KCNJ6: variants seen among roughly 807,000 people sequenced by gnomAD.
KCNJ6 encodes the protein potassium inwardly rectifying channel subfamily J member 6, also known as G protein-activated inward rectifier potassium channel 2.
KCNJ6 carries 9 observed loss-of-function variants against 34.2 expected under a neutral mutation model. The ratio of observed to expected loss-of-function variants is 0.26; its 90% CI spans 0.16 to 0.46. KCNJ6 has a LOEUF of 0.46. KCNJ6 is among the 20% of genes least tolerant of loss of function. The pLI is 1.00. For missense variants in KCNJ6, 236 were observed against 531.3 expected, an observed-to-expected ratio of 0.44 and a Z score of 5.46; for synonymous variants, 196 against 207.1, an observed-to-expected ratio of 0.95 and a Z score of 0.46.
Position 37,633,644 on chromosome 21 carries a change from T to G in KCNJ6, c.947-8160A>C, listed in dbSNP as rs559699290. Reference sequence around the variant, plus strand: ...GAATTTAAAAATCTATGCAGAAAACTTATGTATCTTTTTATATACCAGCAA... The same window carrying G: ...GAATTTAAAAATCTATGCAGAAAACGTATGTATCTTTTTATATACCAGCAA... On this transcript the variant is annotated intron_variant, in intron 3 of 3. Coordinates refer to ENST00000609713, the MANE Select transcript of KCNJ6 (RefSeq NM_002240.5). 2.0e-5 allele frequency among the ~76,000 whole-genome samples: 3 copies of G among 152,248 alleles called. No homozygotes were observed. The East Asian group carries it at 5.8e-4, about 29-fold the overall frequency.
intron 2 of KCNJ6, 40 bp downstream of exon 2, chr21:37,840,618 T>C (rs2055475520): frequency 6.7e-7 from 1 of 1,494,516 alleles, no homozygotes; most frequent in Non-Finnish European, 9.3e-7. Context: ...CATTTTCCCA[T>C]TCAAAACAAA....
chr21:37,810,465 C>A, intron 2 of KCNJ6, among the ~76,000 whole-genome samples: 1 of 152,120 alleles, frequency 6.6e-6, no homozygotes, highest in East Asian at 1.9e-4. Flanking sequence ...AGCTGCTCTC[C>A]AAAAAGATGA....
intron 1 of KCNJ6, among the ~76,000 whole-genome samples, chr21:37,909,369 CT>C (rs763546640): frequency 3.6e-3 from 518 of 142,952 alleles, no homozygotes; most frequent in African/African-American, 4.6e-3. Context: ...GCACAAAGAA[CT>C]TTTTTTTTTT....
chr21:37,640,023 CTA>C (rs1160598441), intron 3 of KCNJ6, among the ~76,000 whole-genome samples: 1 of 152,234 alleles, frequency 6.6e-6, no homozygotes, highest in East Asian at 1.9e-4. Flanking sequence ...ATTACCCAGT[CTA>C]TAGCAGTGAA....
At chr21:37,700,569 CA>C in intron 3 of KCNJ6, among the ~76,000 whole-genome samples, 1 of 152,074 alleles carries the variant, frequency 6.6e-6, no homozygotes, top group Admixed American at 6.5e-5. Flanking sequence ...AAGGGAATTG[CA>C]AAAACGAGAG....
At position 37,661,991 on chromosome 21, in the gene KCNJ6, T is replaced by C. The variant is rs895811793; in HGVS notation, c.947-36507A>G. On this transcript the variant is annotated intron_variant, in intron 3 of 3. Transcript: ENST00000609713. ...TTAAAAATTATTTACCAAAACTTAATATATTTATGTTTTGATCATTTGCGT... is the reference window on the plus strand; with the variant it reads ...TTAAAAATTATTTACCAAAACTTAACATATTTATGTTTTGATCATTTGCGT... Among the ~76,000 whole-genome samples the C allele has an allele frequency of 5.3e-5, 8 of 152,148 alleles. No homozygotes were observed. In the East Asian group the frequency reaches 9.6e-4, roughly 18 times the overall value.
chr21:37,709,089 T>A (rs76048449), intron 3 of KCNJ6, among the ~76,000 whole-genome samples: 2 of 152,232 alleles, frequency 1.3e-5, no homozygotes, highest in Non-Finnish European at 2.9e-5. Flanking sequence ...TTAAAATTCA[T>A]GTCAATGTCT....
intron 1 of KCNJ6, among the ~76,000 whole-genome samples, chr21:37,860,753 T>G (rs1004486255): frequency 5.3e-5 from 8 of 152,154 alleles, no homozygotes; most frequent in Admixed American, 5.2e-4. Flanking sequence ...CAGGTCATGG[T>G]TACAATGTCA....
chr21:37,878,310 A>G (rs1427728595), intron 1 of KCNJ6, among the ~76,000 whole-genome samples: 4 of 152,054 alleles, frequency 2.6e-5, no homozygotes, highest in African/African-American at 9.7e-5. Context: ...GAACAGAGAT[A>G]ATAAGTATTT....
chr21:37,879,320 C>A (rs1408986465), intron 1 of KCNJ6, among the ~76,000 whole-genome samples: 1 of 152,152 alleles, frequency 6.6e-6, no homozygotes, highest in Non-Finnish European at 1.5e-5. Flanking sequence ...GCCTCCAGAA[C>A]AAAGGTGGGT....
intron 1 of KCNJ6, among the ~76,000 whole-genome samples, chr21:37,896,113 C>G (rs777409631): frequency 1.3e-5 from 2 of 152,080 alleles, no homozygotes; most frequent in Admixed American, 1.3e-4. Flanking sequence ...GAAGCAGGCA[C>G]GTCACATGAC....
At chr21:37,889,578 C>A (rs941234651) in intron 1 of KCNJ6, among the ~76,000 whole-genome samples, 1 of 152,154 alleles carries the variant, frequency 6.6e-6, no homozygotes, top group Non-Finnish European at 1.5e-5. Flanking sequence ...GTGGCTTTAA[C>A]AACAAACATT....
intron 1 of KCNJ6, among the ~76,000 whole-genome samples, 160 bp from the exon 2 acceptor site, chr21:37,840,869 ATCAG>A (rs2123578403): frequency 6.6e-6 from 1 of 152,304 alleles, no homozygotes; most frequent in South Asian, 2.1e-4. Flanking sequence ...CAGTTATATT[ATCAG>A]TCAGTCACTG....
At position 37,714,999 on chromosome 21, in the gene KCNJ6, A is replaced by G. The variant is rs1468594217; in HGVS notation, c.158T>C (p.Ile53Thr). The G allele has an allele frequency of 1.2e-6, 2 of 1,614,044 alleles. No individual in the cohort carries two copies. Among genetic ancestry groups the G allele is most frequent in the South Asian group, 2.2e-5 (2 of 91,078 alleles). ...TCCGTCTTTCCTCACGTACCTCTGG[A>G]TTTTCCTTTTGGTCCGATCTCGGCT... Reference protein sequence around the residue: ...HISRDRTKRKIQRYVRKDGKC... With the variant: ...HISRDRTKRKTQRYVRKDGKC... The change falls in exon 3 of 4, where the codon ATC (isoleucine) becomes ACC (threonine). Residue 53 changes from isoleucine to threonine, a missense_variant. By Grantham distance (89) the Ile-to-Thr change is moderately conservative. This residue lies in a region of KCNJ6 where 64 missense variants were observed against 68.9 expected (regional missense o/e 0.93). Coordinates refer to ENST00000609713, the MANE Select transcript of KCNJ6 (RefSeq NM_002240.5). This position sits in a 1 kb window ranked among gnomAD's most constrained non-coding sequence, Gnocchi z 5.9.
At chr21:37,693,048 C>G (rs1461551584) in intron 3 of KCNJ6, among the ~76,000 whole-genome samples, 1 of 150,122 alleles carries the variant, frequency 6.7e-6, no homozygotes, top group Non-Finnish European at 1.5e-5. Context: ...ATCATGTTTT[C>G]AAGCTTTTAT....
chr21:37,729,563 A>G (rs1232785262), intron 2 of KCNJ6, among the ~76,000 whole-genome samples: 1 of 152,178 alleles, frequency 6.6e-6, no homozygotes, highest in Non-Finnish European at 1.5e-5. Context: ...AGCTCAAGCG[A>G]TTCACCCACC....
intron 2 of KCNJ6, among the ~76,000 whole-genome samples, chr21:37,763,991 T>C (rs13052260): frequency 0.62 from 94,172 of 151,618 alleles, 29,971 homozygotes; most frequent in African/African-American, 0.75. Context: ...CTGACTCATC[T>C]CACATATCTA....
At chr21:37,814,785 C>T (rs1244188951) in intron 2 of KCNJ6, among the ~76,000 whole-genome samples, 3 of 151,200 alleles carry the variant, frequency 2.0e-5, no homozygotes, top group Non-Finnish European at 4.4e-5. Flanking sequence ...GTAGTCCCAG[C>T]TACTGGGGAG....
At chr21:37,760,432 C>T (rs192046643) in intron 2 of KCNJ6, among the ~76,000 whole-genome samples, 77 of 152,314 alleles carry the variant, frequency 5.1e-4, no homozygotes, top group African/African-American at 1.8e-3. Flanking sequence ...AACCTCCCTC[C>T]AAACAAGGCA....
Sources: gnomAD v4.1 joint callset for allele counts (sites outside exome capture counted in the v4.1 genomes callset) on GRCh38, gnomAD v4.1.1 for gene constraint, gnomAD v4.1.1 regional missense constraint, Gnocchi (gnomAD v3.1) non-coding constraint, MANE v1.5 for transcripts, NCBI Gene and HGNC (gene_info 2026-07-23, HGNC 2026-07-21) for gene names.